ADAM22: variants seen among roughly 807,000 people sequenced by gnomAD.
The protein encoded by ADAM22 is ADAM metallopeptidase domain 22, also known as disintegrin and metalloproteinase domain-containing protein 22.
Under a neutral mutation model 144.6 loss-of-function variants are expected in ADAM22, and 65 were observed. The ratio of observed to expected loss-of-function variants is 0.45; its 90% CI spans 0.37 to 0.55. ADAM22 has a LOEUF of 0.55. Among genes scored for constraint, ADAM22 ranks in the 20% least tolerant of loss-of-function variants. The pLI is 0.00. For synonymous variants in ADAM22, 391 were observed against 412.6 expected, an observed-to-expected ratio of 0.95 and a Z score of 0.63; for missense variants, 974 against 1,184.9, an observed-to-expected ratio of 0.82 and a Z score of 2.61.
At chr7:88,018,293 ATGT>A (rs1796997152) in intron 3 of ADAM22, among the ~76,000 whole-genome samples, 1 of 152,158 alleles carries the variant, frequency 6.6e-6, no homozygotes, top group African/African-American at 2.4e-5. Context: ...TTGTTGTTTC[ATGT>A]TGTTTGAGAT....
At chr7:87,993,744 A>G (rs565200757) in intron 3 of ADAM22, among the ~76,000 whole-genome samples, 3 of 152,232 alleles carry the variant, frequency 2.0e-5, no homozygotes, top group Non-Finnish European at 2.9e-5. Context: ...CAGTCCGTGT[A>G]TGTGACTTTT....
chr7:88,088,976 A>G (rs1819139226), intron 4 of ADAM22, among the ~76,000 whole-genome samples: 3 of 151,996 alleles, frequency 2.0e-5, no homozygotes, highest in Admixed American at 1.3e-4. Flanking sequence ...CAGTACTTAT[A>G]CTTAACATAT....
Position 88,075,813 on chromosome 7 carries a change from A to G in ADAM22, c.390+121A>G, listed in dbSNP as rs1246309406. On this transcript the variant is annotated intron_variant, in intron 4 of 31. Coordinates refer to ENST00000413139, the MANE Select transcript of ADAM22 (RefSeq NM_001324418.2). ...GTTTTGAGGGTTTTAAAAATACTTT[A>G]TAATTTGAAGTTTTATCACCCACTT... The G allele has an allele frequency of 4.8e-6, 4 of 826,702 alleles. No individual in the cohort carries two copies. In the African/African-American group the frequency reaches 5.2e-5, roughly 11 times the overall value. 51.2% of individuals were successfully genotyped at this position (826,702 alleles called of 1,614,324 possible).
chr7:88,177,257 T>A (rs929254811), intron 26 of ADAM22, among the ~76,000 whole-genome samples: 7 of 152,218 alleles, frequency 4.6e-5, no homozygotes, highest in African/African-American at 1.4e-4. Flanking sequence ...ACTAGAACTC[T>A]GATTTTATTG....
At chr7:88,006,014 T>A (rs996835892) in intron 3 of ADAM22, among the ~76,000 whole-genome samples, 12 of 152,226 alleles carry the variant, frequency 7.9e-5, no homozygotes, top group Admixed American at 3.9e-4. Flanking sequence ...TACTTTCTAA[T>A]CATTTCTCTT....
In ADAM22 at chr7:87,940,358, T is replaced by C. The variant is rs191986481; in HGVS notation, c.246+5172T>C. 2.0e-5 allele frequency among the ~76,000 whole-genome samples: 3 copies of C among 152,288 alleles called. No individual in the cohort carries two copies. In the East Asian group the frequency reaches 5.8e-4, roughly 29 times the overall value. On this transcript the variant is annotated intron_variant, in intron 2 of 31. Coordinates refer to ENST00000413139, the MANE Select transcript of ADAM22 (RefSeq NM_001324418.2). ...AAAAAGAGTATGGAAATCAGCAATG[T>C]ATTACTTAATGTTTCAGAAAGCTTC...
intron 14 of ADAM22, among the ~76,000 whole-genome samples, chr7:88,141,852 A>G (rs1834785842): frequency 6.6e-6 from 1 of 152,166 alleles, no homozygotes; most frequent in African/African-American, 2.4e-5. Context: ...AAATTGTGCC[A>G]CCACAAATAT....
chr7:87,994,790 C>T (rs1790728436), intron 3 of ADAM22, among the ~76,000 whole-genome samples: 1 of 152,088 alleles, frequency 6.6e-6, no homozygotes, highest in Non-Finnish European at 1.5e-5. Flanking sequence ...TTCTTCAATG[C>T]CCATGTGGTG....
intron 2 of ADAM22, among the ~76,000 whole-genome samples, chr7:87,971,740 A>G (rs1219256628): frequency 1.3e-5 from 2 of 152,204 alleles, no homozygotes; most frequent in Admixed American, 6.5e-5. Flanking sequence ...CTCTCTTCTC[A>G]AACATACCTT....
intron 26 of ADAM22, 48 bp from the exon 27 acceptor site, chr7:88,178,887 C>T (rs184681506): frequency 2.1e-4 from 252 of 1,218,624 alleles, no homozygotes; most frequent in Admixed American, 5.8e-4. Context: ...TGTCTGTGTT[C>T]ATGTGTGTGT....
At chr7:88,045,164 C>T (rs1224378076) in intron 3 of ADAM22, among the ~76,000 whole-genome samples, 1 of 151,764 alleles carries the variant, frequency 6.6e-6, no homozygotes, top group Non-Finnish European at 1.5e-5. Context: ...ATTACAGGCA[C>T]CTGCCACCAC....
At chr7:88,021,801 C>T (rs979685871) in intron 3 of ADAM22, among the ~76,000 whole-genome samples, 84 of 151,990 alleles carry the variant, frequency 5.5e-4, no homozygotes, top group African/African-American at 1.8e-3. Context: ...TAGAGGTTTT[C>T]GAGTCATAAA....
chr7:88,025,159 G>T, intron 3 of ADAM22, among the ~76,000 whole-genome samples: 1 of 152,150 alleles, frequency 6.6e-6, no homozygotes, highest in African/African-American at 2.4e-5. Flanking sequence ...CTAGTTTACA[G>T]TCCCACCAAC....
chr7:88,202,390 G>A lies in ADAM22; in HGVS notation c.*5899G>A, dbSNP rs1193998637. The A allele has an allele frequency of 6.6e-6, 1 of 152,144 alleles. No individual in the cohort carries two copies. The highest frequency in any genetic ancestry group is 2.4e-5 in the African/African-American group (1 of 41,426). The allele number at this position is 152,144 out of a possible 1,614,324, so 9.4% of individuals were successfully genotyped here. A position where few individuals can be genotyped will look rare whatever the true frequency, so the allele number is the denominator to read the frequency against. On this transcript the variant is annotated 3_prime_UTR_variant, in exon 32 of 32. Transcript: ENST00000413139. ...TTTACCTAAACATAGTAGCTTACAT[G>A]TTAGCCAGCAGTAGGTCGGCACTAG...
At chr7:88,173,908 G>A (rs1316775192) in intron 26 of ADAM22, among the ~76,000 whole-genome samples, 1 of 152,134 alleles carries the variant, frequency 6.6e-6, no homozygotes, top group Non-Finnish European at 1.5e-5. Context: ...AGAGGTGAAT[G>A]CAGTTGTTCT....
At chr7:88,160,758 A>T (rs1485002432) in intron 22 of ADAM22, among the ~76,000 whole-genome samples, 1 of 152,204 alleles carries the variant, frequency 6.6e-6, no homozygotes, top group Non-Finnish European at 1.5e-5. Flanking sequence ...AATGTGGCAC[A>T]TATACACCAT....
chr7:88,051,386 T>G (rs1021374664), intron 3 of ADAM22, among the ~76,000 whole-genome samples: 1 of 152,104 alleles, frequency 6.6e-6, no homozygotes, highest in African/African-American at 2.4e-5. Context: ...AAATGATGAG[T>G]TCATGTCATT....
chr7:88,011,123 A>G (rs1268556226), intron 3 of ADAM22, among the ~76,000 whole-genome samples: 1 of 152,248 alleles, frequency 6.6e-6, no homozygotes, highest in African/African-American at 2.4e-5. Flanking sequence ...TAGGAAAGCT[A>G]GTAGTTGAGA....
At chr7:88,152,375 C>T (rs540491863) in intron 20 of ADAM22, among the ~76,000 whole-genome samples, 28 of 152,168 alleles carry the variant, frequency 1.8e-4, no homozygotes, top group Admixed American at 2.6e-4. Flanking sequence ...GAAAAAGATA[C>T]TGATATACCT....
Sources: gnomAD v4.1 joint callset for allele counts (sites outside exome capture counted in the v4.1 genomes callset) on GRCh38, gnomAD v4.1.1 for gene constraint, MANE v1.5 for transcripts, NCBI Gene and HGNC (gene_info 2026-07-23, HGNC 2026-07-21) for gene names.